Variants in CFAP299 observed in about 807,000 individuals in gnomAD.
CFAP299 encodes cilia and flagella associated protein 299, also known as cilia- and flagella-associated protein 299.
Under a neutral mutation model 27.0 loss-of-function variants are expected in CFAP299, and 21 were observed. The ratio of observed to expected loss-of-function variants is 0.78; its 90% confidence interval spans 0.55 to 1.12. The LOEUF is 1.12. Ranked by LOEUF, CFAP299 falls within the 50% of genes most tolerant of loss-of-function variation. CFAP299 has a pLI of 0.00. For missense variants in CFAP299, 310 were observed against 276.6 expected (o/e 1.12, Z -0.86); for synonymous variants, 104 against 98.1 (o/e 1.06, Z -0.36).
chr4:80,785,741 T>C (rs759116157), intron 3 of CFAP299, among the ~76,000 whole-genome samples: 27 of 152,290 alleles, frequency 1.8e-4, no homozygotes, highest in Middle Eastern at 6.8e-3. Context: ...GACATAATTA[T>C]AAAGCTGTTT....
chr4:80,521,727 T>C (rs1482004733), intron 2 of CFAP299, among the ~76,000 whole-genome samples: 1 of 152,110 alleles, frequency 6.6e-6, no homozygotes, highest in South Asian at 2.1e-4. Context: ...CTTCTGTGAC[T>C]GGCATATTTT....
At chr4:80,588,290 A>T (rs1252875976) in intron 3 of CFAP299, among the ~76,000 whole-genome samples, 1 of 150,780 alleles carries the variant, frequency 6.6e-6, no homozygotes, top group African/African-American at 2.5e-5. Context: ...GCAGGTCTGG[A>T]GCTGGGTACA....
At chr4:80,564,523 C>T (rs952318338) in intron 2 of CFAP299, among the ~76,000 whole-genome samples, 3 of 151,902 alleles carry the variant, frequency 2.0e-5, no homozygotes, top group Non-Finnish European at 2.9e-5. Flanking sequence ...ACACAAGGAA[C>T]ATAACTCAAC....
intron 4 of CFAP299, among the ~76,000 whole-genome samples, chr4:80,900,002 A>G (rs977367177): frequency 5.3e-5 from 8 of 152,120 alleles, no homozygotes; most frequent in Non-Finnish European, 1.0e-4. Context: ...AGGTGGTGGT[A>G]ACGGGTCAGA....
chr4:80,692,605 C>T (rs1720795761), intron 3 of CFAP299, among the ~76,000 whole-genome samples: 1 of 152,084 alleles, frequency 6.6e-6, no homozygotes, highest in African/African-American at 2.4e-5. Context: ...AGAAGAAAAC[C>T]TAGGCATTAC....
chr4:80,390,514 CATATATGT>C (rs1343755209), intron 2 of CFAP299, among the ~76,000 whole-genome samples: 712 of 38,070 alleles, frequency 0.019, 16 homozygotes, highest in Middle Eastern at 0.056. Context: ...TATATACACA[CATATATGT>C]ATATATGTAT....
At chr4:80,338,168 T>G (rs980751490) in intron 1 of CFAP299, among the ~76,000 whole-genome samples, 7 of 151,906 alleles carry the variant, frequency 4.6e-5, no homozygotes, top group African/African-American at 1.7e-4. Flanking sequence ...TTAAAACATT[T>G]TATTTTAACT....
At chr4:80,665,734 T>C (rs1477109772) in intron 3 of CFAP299, among the ~76,000 whole-genome samples, 2 of 152,178 alleles carry the variant, frequency 1.3e-5, no homozygotes, top group Admixed American at 1.3e-4. Context: ...TAATCCCCAG[T>C]GTTGGAAGCA....
intron 2 of CFAP299, among the ~76,000 whole-genome samples, chr4:80,436,553 T>C (rs567469145): frequency 2.0e-4 from 30 of 152,220 alleles, no homozygotes; most frequent in Admixed American, 5.9e-4. Context: ...CCACCCGCCT[T>C]GGCCTCCCAA....
At chr4:80,717,339 A>G (rs1722548123) in intron 3 of CFAP299, among the ~76,000 whole-genome samples, 2 of 152,116 alleles carry the variant, frequency 1.3e-5, no homozygotes, top group African/African-American at 4.8e-5. Flanking sequence ...CTTTTAAATA[A>G]GAGAAGAGAA....
chr4:80,927,948 A>G (rs1251358516), intron 4 of CFAP299, among the ~76,000 whole-genome samples: 1 of 152,112 alleles, frequency 6.6e-6, no homozygotes, highest in Non-Finnish European at 1.5e-5. Flanking sequence ...GATATTTTCA[A>G]TTCTACCTAC....
intron 3 of CFAP299, among the ~76,000 whole-genome samples, chr4:80,721,390 G>C (rs1397401030): frequency 1.3e-5 from 2 of 152,150 alleles, no homozygotes; most frequent in African/African-American, 4.8e-5. Flanking sequence ...GATAAAGCTG[G>C]TAGCTGGTTG....
At chr4:80,862,704 A>G (rs538854245) in intron 3 of CFAP299, among the ~76,000 whole-genome samples, 4 of 152,292 alleles carry the variant, frequency 2.6e-5, no homozygotes, top group Non-Finnish European at 5.9e-5. Flanking sequence ...GGAAAATAAA[A>G]GTGTGCTTGT....
chr4:80,612,922 T>G (rs999200423), intron 3 of CFAP299, among the ~76,000 whole-genome samples: 1 of 152,066 alleles, frequency 6.6e-6, no homozygotes, highest in Non-Finnish European at 1.5e-5. Flanking sequence ...AACATTAAGC[T>G]GAAAGAACCA....
chr4:80,664,869 A>G (rs1741068814), intron 3 of CFAP299, among the ~76,000 whole-genome samples: 1 of 152,138 alleles, frequency 6.6e-6, no homozygotes, highest in Non-Finnish European at 1.5e-5. Flanking sequence ...TAGGCACCCA[A>G]GGGAATCTCT....
intron 2 of CFAP299, among the ~76,000 whole-genome samples, chr4:80,449,304 C>A (rs1728784153): frequency 6.6e-6 from 1 of 151,628 alleles, no homozygotes; most frequent in South Asian, 2.1e-4. Flanking sequence ...AATTATTTTG[C>A]TCTGAATTTT....
intron 2 of CFAP299, among the ~76,000 whole-genome samples, chr4:80,451,505 T>C (rs1454596256): frequency 6.6e-6 from 1 of 152,214 alleles, no homozygotes; most frequent in Non-Finnish European, 1.5e-5. Context: ...TTGAGCTTAT[T>C]TTCTCAATGT....
At chr4:80,321,931 T>A in the CFAP299 span, among the ~76,000 whole-genome samples, 3 of 152,010 alleles carry the variant, frequency 2.0e-5, no homozygotes, top group African/African-American at 7.2e-5. Flanking sequence ...CCCAGCCCCC[T>A]TTGGCCGTGG....
intron 2 of CFAP299, chr4:80,387,001 G>T: frequency 8.6e-7 from 1 of 1,156,322 alleles, no homozygotes; most frequent in Non-Finnish European, 1.3e-6. Context: ...CCACTGCGGT[G>T]GGTTGGCAGA....
Sources: allele counts gnomAD v4.1 joint callset (sites outside exome capture counted in the v4.1 genomes callset), GRCh38; gene constraint gnomAD v4.1.1; transcripts MANE v1.5; gene names NCBI Gene and HGNC (gene_info 2026-07-23, HGNC 2026-07-21).